Variants in ST3GAL6 observed in about 807,000 individuals in gnomAD.
ST3GAL6 encodes type 2 lactosamine alpha-2,3-sialyltransferase.
Under a neutral mutation model 40.5 loss-of-function variants are expected in ST3GAL6, and 31 were observed. The ratio of observed to expected loss-of-function variants is 0.77; its 90% CI spans 0.58 to 1.03. The LOEUF (loss-of-function observed/expected upper bound fraction) is 1.03. ST3GAL6 is among the 50% of genes least tolerant of loss of function. The pLI is 0.00. For missense variants in ST3GAL6, 357 were observed against 393.2 expected (o/e 0.91, Z 0.78); for synonymous variants, 129 against 136.9 (o/e 0.94, Z 0.40).
At chr3:98,775,015 T>C (rs1401855220) in intron 5 of ST3GAL6, among the ~76,000 whole-genome samples, 1 of 152,224 alleles carries the variant, frequency 6.6e-6, no homozygotes, top group Non-Finnish European at 1.5e-5. Context: ...TTGTAGAATA[T>C]TGTTTTTTGC....
intron 5 of ST3GAL6, among the ~76,000 whole-genome samples, chr3:98,778,342 T>TA (rs1370260347): frequency 6.6e-6 from 1 of 152,164 alleles, no homozygotes; most frequent in Non-Finnish European, 1.5e-5. Flanking sequence ...TTAGAAAACT[T>TA]AAAAAAGAAT....
chr3:98,736,497 T>G (rs1017401619), intron 1 of ST3GAL6, among the ~76,000 whole-genome samples: 2 of 152,210 alleles, frequency 1.3e-5, no homozygotes, highest in African/African-American at 4.8e-5. Context: ...TATTCTCACC[T>G]TCCACAGGTT....
intron 1 of ST3GAL6, among the ~76,000 whole-genome samples, chr3:98,749,535 T>C (rs1936826439): frequency 6.6e-6 from 1 of 152,212 alleles, no homozygotes; most frequent in Admixed American, 6.5e-5. Context: ...AAAATCAGAT[T>C]GGAGAGGATA....
At chr3:98,752,269 T>C (rs1432153351) in intron 1 of ST3GAL6, among the ~76,000 whole-genome samples, 1 of 152,114 alleles carries the variant, frequency 6.6e-6, no homozygotes, top group Non-Finnish European at 1.5e-5. Flanking sequence ...TTTTTACACA[T>C]TGAAGGTTTG....
chr3:98,732,604 C>A, intron 1 of ST3GAL6: 1 of 450,660 alleles, frequency 2.2e-6, no homozygotes, highest in Non-Finnish European at 3.9e-6. Context: ...CCTCCCACCA[C>A]TTTGCACCTT....
chr3:98,788,259 T>G (rs373731827), intron 7 of ST3GAL6, 37 bp downstream of exon 7: 5 of 1,592,440 alleles, frequency 3.1e-6, no homozygotes, highest in Non-Finnish European at 4.3e-6. Context: ...CAGATTACCT[T>G]TAGTGCTTTT....
chr3:98,754,153 GGTAAA>G (rs1218230101), intron 1 of ST3GAL6, among the ~76,000 whole-genome samples: 6 of 152,154 alleles, frequency 3.9e-5, no homozygotes, highest in African/African-American at 7.2e-5. Flanking sequence ...GATGGATGTG[GGTAAA>G]GTAAATTCAA....
intron 3 of ST3GAL6, chr3:98,771,179 C>G: frequency 6.8e-7 from 1 of 1,463,996 alleles, no homozygotes; most frequent in Non-Finnish European, 9.1e-7. Context: ...AACCAGTATT[C>G]TTTTCACACA....
intron 1 of ST3GAL6, among the ~76,000 whole-genome samples, chr3:98,750,886 A>T (rs1001654835): frequency 1.3e-5 from 2 of 152,176 alleles, no homozygotes; most frequent in Non-Finnish European, 2.9e-5. Flanking sequence ...AGCCATCAGA[A>T]CCAAGTAAAA....
At chr3:98,735,065 A>G (rs147650452) in intron 1 of ST3GAL6, among the ~76,000 whole-genome samples, 1 of 152,234 alleles carries the variant, frequency 6.6e-6, no homozygotes, top group Non-Finnish European at 1.5e-5. Context: ...TGAAGGAAGC[A>G]TGGAACTCCT....
chr3:98,737,629 T>C (rs1022789378), intron 1 of ST3GAL6, among the ~76,000 whole-genome samples: 48 of 152,194 alleles, frequency 3.2e-4, no homozygotes, highest in African/African-American at 1.1e-3. Context: ...TAGAAAATTA[T>C]TTTTGAGATT....
intron 5 of ST3GAL6, chr3:98,784,514 T>C (rs1260471536): frequency 6.3e-6 from 1 of 159,780 alleles, no homozygotes; most frequent in African/African-American, 2.4e-5. Context: ...TAGACCTGCA[T>C]AATGTAAAAC....
At chr3:98,768,315 T>C in intron 1 of ST3GAL6, 115 bp from the exon 2 acceptor site, 2 of 776,076 alleles carry the variant, frequency 2.6e-6, no homozygotes, top group Non-Finnish European at 4.4e-6. Flanking sequence ...ACATCATTTT[T>C]TTCTATAGTT....
At chr3:98,734,395 G>GAGGGTCTT (rs1287856466) in intron 1 of ST3GAL6, among the ~76,000 whole-genome samples, 1 of 152,188 alleles carries the variant, frequency 6.6e-6, no homozygotes, top group Admixed American at 6.5e-5. Flanking sequence ...AAATTCCACA[G>GAGGGTCTT]AGGGTCTTTG....
At chr3:98,780,173 G>A (rs1291847222) in intron 5 of ST3GAL6, among the ~76,000 whole-genome samples, 3 of 152,178 alleles carry the variant, frequency 2.0e-5, no homozygotes, top group African/African-American at 4.8e-5. Flanking sequence ...AGTGAGGGAA[G>A]CAATGAGTAA....
intron 6 of ST3GAL6, among the ~76,000 whole-genome samples, chr3:98,787,001 A>G (rs950868448): frequency 2.2e-5 from 3 of 138,798 alleles, no homozygotes; most frequent in African/African-American, 8.1e-5. Context: ...GTAGCTATGA[A>G]TAGTTTAAAG....
chr3:98,775,999 A>G (rs1160759334), intron 5 of ST3GAL6, among the ~76,000 whole-genome samples: 2 of 152,194 alleles, frequency 1.3e-5, no homozygotes, highest in Non-Finnish European at 2.9e-5. Flanking sequence ...GCACAGTGAC[A>G]CATGTTTTGT....
intron 3 of ST3GAL6, chr3:98,772,519 T>C (rs1939103507): frequency 5.4e-6 from 1 of 184,912 alleles, no homozygotes; most frequent in South Asian, 1.4e-4. Context: ...TTTTATCACT[T>C]GCTCTTCGTT....
At chr3:98,749,123 T>G (rs146514940) in intron 1 of ST3GAL6, among the ~76,000 whole-genome samples, 1 of 152,230 alleles carries the variant, frequency 6.6e-6, no homozygotes, top group African/African-American at 2.4e-5. Flanking sequence ...AAATTCTTTA[T>G]TGAAGAAATC....
Sources: gnomAD v4.1 joint callset for allele counts (sites outside exome capture counted in the v4.1 genomes callset) on GRCh38, gnomAD v4.1.1 for gene constraint, MANE v1.5 for transcripts, NCBI Gene and HGNC (gene_info 2026-07-23, HGNC 2026-07-21) for gene names.